KCNH5: variants seen among roughly 807,000 people sequenced by gnomAD.
KCNH5 encodes the protein potassium voltage-gated channel subfamily H member 5, also known as voltage-gated delayed rectifier potassium channel KCNH5.
A neutral mutation model predicts 96.1 loss-of-function variants in KCNH5; 46 were observed. The observed-to-expected ratio is 0.48, with a 90% CI of 0.38 to 0.61. The LOEUF (loss-of-function observed/expected upper bound fraction) is 0.61, where lower values mean the gene tolerates loss of function less well. Among genes scored for constraint, KCNH5 ranks in the 20% least tolerant of loss-of-function variants. KCNH5 has a pLI of 0.00. For synonymous variants in KCNH5, 439 were observed against 449.8 expected, an observed-to-expected ratio of 0.98 and a Z score of 0.30; for missense variants, 907 against 1,225.8, an observed-to-expected ratio of 0.74 and a Z score of 3.88.
intron 4 of KCNH5, among the ~76,000 whole-genome samples, chr14:62,999,418 T>C (rs933123502): frequency 6.6e-6 from 1 of 152,060 alleles, no homozygotes. Flanking sequence ...TTGAGTTCAT[T>C]GTAGATTCTG....
intron 9 of KCNH5, among the ~76,000 whole-genome samples, chr14:62,794,697 G>T (rs1251932961): frequency 6.6e-6 from 1 of 151,982 alleles, no homozygotes; most frequent in East Asian, 1.9e-4. Context: ...AGTTTGTTAA[G>T]GAATATTAAA....
At chr14:62,982,813 G>C (rs980492687) in intron 5 of KCNH5, among the ~76,000 whole-genome samples, 1 of 152,086 alleles carries the variant, frequency 6.6e-6, no homozygotes, top group African/African-American at 2.4e-5. Flanking sequence ...TTTGGTGTTT[G>C]TAAGAATACT....
intron 7 of KCNH5, among the ~76,000 whole-genome samples, chr14:62,892,400 C>T (rs1001052546): frequency 6.6e-6 from 1 of 152,204 alleles, no homozygotes; most frequent in Non-Finnish European, 1.5e-5. Context: ...AAGTTGCAAG[C>T]TACCAGAGAT....
In KCNH5 at chr14:62,771,868, C is replaced by T. The variant is rs149281846; in HGVS notation, c.2019+7860G>A. ...TAAGCAGAGTCATGGAGTGAAAAGA[C>T]AACACTTCTCTGGCCATGATCACTC... On this transcript the variant is annotated intron_variant, in intron 10 of 10. Coordinates refer to ENST00000322893, the MANE Select transcript of KCNH5 (RefSeq NM_139318.5). Among the ~76,000 whole-genome samples the T allele has an allele frequency of 6.2e-3, 943 of 152,182 alleles. 6 individuals are homozygous for T. Among genetic ancestry groups the T allele is most frequent in the Middle Eastern group, 0.02 (6 of 294 alleles).
intron 7 of KCNH5, among the ~76,000 whole-genome samples, chr14:62,917,009 C>T (rs1889287951): frequency 6.6e-6 from 1 of 152,038 alleles, no homozygotes; most frequent in South Asian, 2.1e-4. Context: ...TCTAGAAATG[C>T]TAGAAATTAG....
At chr14:62,752,220 T>C (rs1305312824) in intron 10 of KCNH5, among the ~76,000 whole-genome samples, 4 of 152,120 alleles carry the variant, frequency 2.6e-5, no homozygotes, top group African/African-American at 4.8e-5. Context: ...GCATGGGTCC[T>C]AGCTGTCCCC....
intron 10 of KCNH5, among the ~76,000 whole-genome samples, chr14:62,768,026 T>C (rs116907835): frequency 0.04 from 6,109 of 151,896 alleles, 177 homozygotes; most frequent in South Asian, 0.083. Context: ...GAACCTAGAG[T>C]GTGGCATGAT....
At chr14:62,862,260 G>C (rs947802520) in intron 7 of KCNH5, among the ~76,000 whole-genome samples, 1 of 152,078 alleles carries the variant, frequency 6.6e-6, no homozygotes, top group Non-Finnish European at 1.5e-5. Flanking sequence ...ATTGATCCGA[G>C]ATACAAAGAC....
intron 7 of KCNH5, among the ~76,000 whole-genome samples, chr14:62,874,310 CAA>C (rs1249695374): frequency 6.6e-6 from 1 of 151,774 alleles, no homozygotes; most frequent in African/African-American, 2.4e-5. Context: ...AGTAGGCAAA[CAA>C]AAAGACACTT....
At chr14:62,748,558 C>T (rs962695019) in intron 10 of KCNH5, among the ~76,000 whole-genome samples, 1 of 151,818 alleles carries the variant, frequency 6.6e-6, no homozygotes, top group South Asian at 2.1e-4. Context: ...CCTGACATAT[C>T]TCCCTGCTTC....
intron 7 of KCNH5, among the ~76,000 whole-genome samples, chr14:62,905,829 G>C (rs1889016522): frequency 6.6e-6 from 1 of 152,178 alleles, no homozygotes; most frequent in Non-Finnish European, 1.5e-5. Context: ...TCAACGCCAT[G>C]ATAAAAGAGC....
At chr14:62,897,638 C>T (rs1888841209) in intron 7 of KCNH5, among the ~76,000 whole-genome samples, 1 of 152,034 alleles carries the variant, frequency 6.6e-6, no homozygotes, top group Admixed American at 6.6e-5. Context: ...TGTATTACTG[C>T]CTCTTCTACA....
At chr14:62,938,283 A>G (rs1404245369) in intron 7 of KCNH5, among the ~76,000 whole-genome samples, 1 of 152,176 alleles carries the variant, frequency 6.6e-6, no homozygotes, top group African/African-American at 2.4e-5. Context: ...ACTTAAATAT[A>G]GTTCTCACCC....
At chr14:62,899,129 T>C (rs1248438698) in intron 7 of KCNH5, among the ~76,000 whole-genome samples, 1 of 152,186 alleles carries the variant, frequency 6.6e-6, no homozygotes, top group African/African-American at 2.4e-5. Flanking sequence ...ATTTCATTAT[T>C]CTAAAGCATT....
chr14:62,949,964 T>A, intron 7 of KCNH5, 169 bp downstream of exon 7: 1 of 610,772 alleles, frequency 1.6e-6, no homozygotes, highest in South Asian at 2.0e-5. Context: ...GAGTAAAATA[T>A]ATTATTTTGC....
At chr14:62,831,777 T>G (rs543586108) in intron 8 of KCNH5, among the ~76,000 whole-genome samples, 2 of 152,322 alleles carry the variant, frequency 1.3e-5, no homozygotes, top group East Asian at 3.9e-4. Context: ...GGCATAATCA[T>G]GGCTTCCTGC....
intron 10 of KCNH5, among the ~76,000 whole-genome samples, chr14:62,734,741 T>G (rs1374624060): frequency 6.6e-6 from 1 of 152,184 alleles, no homozygotes; most frequent in African/African-American, 2.4e-5. Context: ...AAACTTTAAG[T>G]GCTCTAAGGC....
chr14:62,907,740 A>G (rs1050409590), intron 7 of KCNH5, among the ~76,000 whole-genome samples: 6 of 152,304 alleles, frequency 3.9e-5, no homozygotes, highest in East Asian at 3.9e-4. Context: ...GCCTTTCTAT[A>G]AAACAGGAAG....
rs936972679 is a variant in KCNH5 at position 62,700,372 on chromosome 14, T to C, written c.*7136A>G. The C allele has an allele frequency of 3.3e-5, 5 of 152,196 alleles. 1 individual carries two copies. Among genetic ancestry groups the C allele is most frequent in the Non-Finnish European group, 5.9e-5 (4 of 68,024 alleles). The allele number at this position is 152,196 out of a possible 1,614,324, so 9.4% of individuals were successfully genotyped here. On this transcript the variant is annotated 3_prime_UTR_variant, in exon 11 of 11. Coordinates refer to ENST00000322893, the MANE Select transcript of KCNH5 (RefSeq NM_139318.5). ...AAATGCATATTCCCCCTTGCTTTATTAACTGTGAACAGGTTCTAAGGTGGA... is the reference window on the plus strand; with the variant it reads ...AAATGCATATTCCCCCTTGCTTTATCAACTGTGAACAGGTTCTAAGGTGGA...
Sources: allele counts gnomAD v4.1 joint callset (sites outside exome capture counted in the v4.1 genomes callset), GRCh38; gene constraint gnomAD v4.1.1; transcripts MANE v1.5; gene names NCBI Gene and HGNC (gene_info 2026-07-23, HGNC 2026-07-21).